IL20RB: variants seen among roughly 807,000 people sequenced by gnomAD.
IL20RB encodes the protein interleukin 20 receptor subunit beta.
IL20RB carries 21 observed loss-of-function variants against 33.3 expected under a neutral mutation model. The observed-to-expected ratio is 0.63, with a 90% CI of 0.45 to 0.91. The LOEUF is 0.91. IL20RB is among the 40% of genes least tolerant of loss of function. The pLI is 0.00. For missense variants in IL20RB, 345 were observed against 384.8 expected, an observed-to-expected ratio of 0.90 and a Z score of 0.86; for synonymous variants, 147 against 146.8, an observed-to-expected ratio of 1.00 and a Z score of -0.01.
chr3:136,966,253 A>G (rs1941348847), intron 1 of IL20RB, among the ~76,000 whole-genome samples: 1 of 124,798 alleles, frequency 8.0e-6, no homozygotes, highest in Non-Finnish European at 1.7e-5. Context: ...ATTGATTGGA[A>G]TAGTTTCAGA....
rs1167098943 is a variant in IL20RB, at chr3:137,010,341, G to C, written c.*118G>C. 1 of 655,732 alleles carries C rather than the reference G, an allele frequency of 1.5e-6. No individual in the cohort carries two copies. The highest frequency in any genetic ancestry group is 2.8e-6 in the Non-Finnish European group (1 of 357,908). The allele number at this position is 655,732 out of a possible 1,614,324, so 40.6% of individuals were successfully genotyped here. A position where few individuals can be genotyped will look rare whatever the true frequency, so the allele number is the denominator to read the frequency against. On this transcript the variant is annotated 3_prime_UTR_variant, in exon 7 of 7. Coordinates refer to ENST00000329582, the MANE Select transcript of IL20RB (RefSeq NM_144717.4). ...ACAAGGGATGAGAGAAGTAGGAAGA[G>C]CCTGTTGTCTACAAGTCTAGAAGCA... is the stretch of plus-strand genomic sequence containing the variant.
chr3:136,998,478 T>C (rs1009098573), intron 6 of IL20RB, among the ~76,000 whole-genome samples: 17 of 151,838 alleles, frequency 1.1e-4, no homozygotes, highest in African/African-American at 3.9e-4. Context: ...TGGTGTGGGC[T>C]TCCTGTCATT....
intron 6 of IL20RB, among the ~76,000 whole-genome samples, chr3:136,996,964 T>C (rs924097921): frequency 6.6e-6 from 1 of 152,206 alleles, no homozygotes; most frequent in Admixed American, 6.5e-5. Context: ...GTGTTTTATA[T>C]ATATCAATTA....
rs1324555201 is a variant in IL20RB at position 136,966,277 on chromosome 3, G to C, written c.88+8076G>C. Among the ~76,000 whole-genome samples the C allele has an allele frequency of 2.1e-4, 23 of 107,390 alleles. No homozygotes were observed. The South Asian group carries it at 6.3e-3, about 29-fold the overall frequency. 70.5% of individuals were successfully genotyped at this position (107,390 alleles called of 152,430 possible). On this transcript the variant is annotated intron_variant, in intron 1 of 6. Transcript: ENST00000329582. ...AATAGTTTCAGAAGGAATGGTACCA[G>C]TTCCTCCTTGTACCTCTGGTAGAAT...
intron 1 of IL20RB, among the ~76,000 whole-genome samples, chr3:136,963,578 G>A (rs1269284090): frequency 6.6e-6 from 1 of 151,692 alleles, no homozygotes; most frequent in Non-Finnish European, 1.5e-5. Context: ...CCTCTTTGGT[G>A]AAATGTCTAT....
intron 6 of IL20RB, among the ~76,000 whole-genome samples, chr3:137,000,238 A>C (rs1158746181): frequency 6.6e-6 from 1 of 152,226 alleles, no homozygotes; most frequent in Non-Finnish European, 1.5e-5. Context: ...TAGACTGTTT[A>C]GCCTTAGACA....
chr3:136,984,877 A>C (rs937743389), intron 3 of IL20RB, among the ~76,000 whole-genome samples: 1 of 152,120 alleles, frequency 6.6e-6, no homozygotes, highest in African/African-American at 2.4e-5. Context: ...GGGGCCCTGT[A>C]GGGCACTGCA....
At chr3:136,972,683 T>G (rs1941516320) in intron 1 of IL20RB, among the ~76,000 whole-genome samples, 1 of 152,218 alleles carries the variant, frequency 6.6e-6, no homozygotes, top group East Asian at 1.9e-4. Context: ...GTTTCCTCTC[T>G]TCTTGATTAG....
At chr3:136,998,264 T>G (rs1410558047) in intron 6 of IL20RB, among the ~76,000 whole-genome samples, 1 of 151,790 alleles carries the variant, frequency 6.6e-6, no homozygotes, top group Non-Finnish European at 1.5e-5. Flanking sequence ...GTCCTAAGAG[T>G]TACAATATAC....
chr3:137,011,076 G>A lies in IL20RB; in HGVS notation c.*853G>A, dbSNP rs375030816. On this transcript the variant is annotated 3_prime_UTR_variant, in exon 7 of 7. Transcript: ENST00000329582. ...AAAAAGGGCCACCCTGGCCAAAAGCGGTCTTTAAAGTTCTAGTTACATTTT... is the reference window on the plus strand; with the variant it reads ...AAAAAGGGCCACCCTGGCCAAAAGCAGTCTTTAAAGTTCTAGTTACATTTT... The A allele has an allele frequency of 2.2e-4, 33 of 151,072 alleles. No homozygotes were observed. Among genetic ancestry groups the A allele is most frequent in the African/African-American group, 7.5e-4 (31 of 41,258 alleles). 9.4% of individuals were successfully genotyped at this position (151,072 alleles called of 1,614,324 possible). A position where few individuals can be genotyped will look rare whatever the true frequency, so the allele number is the denominator to read the frequency against.
chr3:137,004,690 G>A (rs920488140), intron 6 of IL20RB, among the ~76,000 whole-genome samples: 5 of 152,036 alleles, frequency 3.3e-5, no homozygotes, highest in African/African-American at 9.6e-5. Context: ...CAGTCTATCA[G>A]TTTTGTTGAT....
chr3:136,982,695 T>TTATA (rs66471953), intron 3 of IL20RB, among the ~76,000 whole-genome samples: 1 of 151,560 alleles, frequency 6.6e-6, no homozygotes, highest in South Asian at 2.1e-4. Flanking sequence ...CTCCATAAAT[T>TTATA]GTGCCTCCCA....
At chr3:136,980,221 G>T in intron 1 of IL20RB, 1 of 519,942 alleles carries the variant, frequency 1.9e-6, no homozygotes. Context: ...TATAATGGTG[G>T]TACCCAAAAT....
intron 1 of IL20RB, among the ~76,000 whole-genome samples, chr3:136,976,698 C>A (rs1313958442): frequency 6.6e-6 from 1 of 152,222 alleles, no homozygotes; most frequent in Non-Finnish European, 1.5e-5. Flanking sequence ...GCAGCAATAG[C>A]CTGAGTTTCC....
chr3:137,001,713 C>T (rs1004963571), intron 6 of IL20RB, among the ~76,000 whole-genome samples: 7 of 152,088 alleles, frequency 4.6e-5, no homozygotes, highest in African/African-American at 7.2e-5. Flanking sequence ...GTGATGGTTG[C>T]ACTCTGAAAT....
At chr3:136,984,305 T>C (rs569518468) in intron 3 of IL20RB, among the ~76,000 whole-genome samples, 1 of 152,102 alleles carries the variant, frequency 6.6e-6, no homozygotes, top group African/African-American at 2.4e-5. Flanking sequence ...GAACAGCTCC[T>C]GAGAGGCTGG....
At chr3:136,978,962 TTTG>T (rs1355662194) in intron 1 of IL20RB, among the ~76,000 whole-genome samples, 2 of 152,204 alleles carry the variant, frequency 1.3e-5, no homozygotes, top group Non-Finnish European at 2.9e-5. Context: ...AATAAATTGA[TTTG>T]TTGACATAAT....
intron 6 of IL20RB, among the ~76,000 whole-genome samples, chr3:137,009,755 C>CT (rs1377232673): frequency 6.6e-6 from 1 of 152,066 alleles, no homozygotes. Flanking sequence ...AGGCTGGTCT[C>CT]TAAGTCCTGG....
At position 136,992,072 on chromosome 3, in the gene IL20RB, A is replaced by G. The variant is rs144089726; in HGVS notation, c.666A>G (p.Glu222=). The G allele has an allele frequency of 1.5e-5, 25 of 1,614,114 alleles. No homozygotes were observed. In the Middle Eastern group the frequency reaches 6.6e-4, roughly 43 times the overall value. Residue 222 remains glutamate (E), a synonymous_variant, in exon 5 of 7, where the codon GAA becomes GAG. Transcript: ENST00000329582. ...IGRYSAFSQT[E]CVEVQGEAIP... is the part of the protein sequence containing the mutation. The stretch of plus-strand genomic sequence containing the variant: ...GGTACAGCGCCTTCAGCCAGACAGA[A>G]TGTGTGGAGGTGCAAGGTAAGGATG...
Sources: gnomAD v4.1 joint callset for allele counts (sites outside exome capture counted in the v4.1 genomes callset) on GRCh38, gnomAD v4.1.1 for gene constraint, MANE v1.5 for transcripts, NCBI Gene and HGNC (gene_info 2026-07-23, HGNC 2026-07-21) for gene names.